Variants in DSCAM observed in about 807,000 individuals in gnomAD.
The protein encoded by DSCAM is DS cell adhesion molecule.
A neutral mutation model predicts 217.7 loss-of-function variants in DSCAM; 47 were observed. That is an observed-to-expected ratio of 0.22 (90% CI 0.17 to 0.28). DSCAM has a LOEUF of 0.28. DSCAM is among the 10% of genes least tolerant of loss of function. The pLI, the probability that DSCAM is intolerant of heterozygous loss-of-function variation, is 1.00. For synonymous variants in DSCAM, 1,056 were observed against 1,015.3 expected (o/e 1.04, Z -0.76); for missense variants, 2,080 against 2,618.3 (o/e 0.79, Z 4.49).
chr21:40,379,030 T>C (rs1020443806), intron 3 of DSCAM, among the ~76,000 whole-genome samples: 7 of 152,210 alleles, frequency 4.6e-5, no homozygotes, highest in African/African-American at 1.7e-4. Context: ...AAATCTCCAC[T>C]ACATAGTCTA....
chr21:40,259,088 T>C (rs1271913738), intron 11 of DSCAM, among the ~76,000 whole-genome samples: 1 of 152,190 alleles, frequency 6.6e-6, no homozygotes, highest in Non-Finnish European at 1.5e-5. Flanking sequence ...TGTGATATAT[T>C]GTCAACTTAA....
chr21:40,614,477 T>TG (rs2089361154), intron 3 of DSCAM, among the ~76,000 whole-genome samples: 1 of 152,158 alleles, frequency 6.6e-6, no homozygotes, highest in South Asian at 2.1e-4. Flanking sequence ...GGCAAGTTCA[T>TG]GGGAAAAAAG....
chr21:40,581,955 T>G (rs1601763652), intron 3 of DSCAM, among the ~76,000 whole-genome samples: 1 of 152,244 alleles, frequency 6.6e-6, no homozygotes, highest in Non-Finnish European at 1.5e-5. Context: ...ATGTAATTTA[T>G]TTGATCTGCT....
rs571442808 is a variant in DSCAM at position 40,463,411 on chromosome 21, C to T, written c.509-94166G>A. Among the ~76,000 whole-genome samples, 16 of 152,296 alleles carry T rather than the reference C, an allele frequency of 1.1e-4. 1 individual carries two copies. The South Asian group carries it at 3.1e-3, about 30-fold the overall frequency. Reference sequence around the variant, plus strand: ...CCTCACTGCTCATACCGAGACCACCCGGTATTGCACTGAATGTCTGCTCAT... The same window carrying T: ...CCTCACTGCTCATACCGAGACCACCTGGTATTGCACTGAATGTCTGCTCAT... On this transcript the variant is annotated intron_variant, in intron 3 of 32. Coordinates refer to ENST00000400454, the MANE Select transcript of DSCAM (RefSeq NM_001389.5).
intron 32 of DSCAM, among the ~76,000 whole-genome samples, chr21:40,037,385 G>T (rs2088646669): frequency 6.8e-6 from 1 of 147,888 alleles, no homozygotes; most frequent in African/African-American, 2.6e-5. Context: ...GACAAACAGA[G>T]AGCCAAATCA....
intron 3 of DSCAM, among the ~76,000 whole-genome samples, chr21:40,678,034 A>G (rs1342631127): frequency 2.0e-5 from 3 of 152,152 alleles, no homozygotes; most frequent in African/African-American, 7.2e-5. Context: ...TATACAACAT[A>G]TTATTTGCAT....
chr21:40,121,681 CTTTTTTTT>C (rs201672838), intron 20 of DSCAM, among the ~76,000 whole-genome samples: 2,268 of 73,820 alleles, frequency 0.031, 96 homozygotes, highest in African/African-American at 0.12. Flanking sequence ...TCATTACTGT[CTTTTTTTT>C]TTTTTTTTTT....
Position 40,638,919 on chromosome 21 carries a change from T to C in DSCAM, c.508+53891A>G, listed in dbSNP as rs116110612. 3.4e-3 allele frequency among the ~76,000 whole-genome samples: 513 copies of C among 152,210 alleles called. 2 individuals are homozygous for C. Among genetic ancestry groups the C allele is most frequent in the African/African-American group, 0.012 (491 of 41,550 alleles). ...AATAGAAGGAGGCCCTTCTCCCTGT[T>C]TTATATTGATAGAATTCTCATTTTA... On this transcript the variant is annotated intron_variant, in intron 3 of 32. Coordinates refer to ENST00000400454, the MANE Select transcript of DSCAM (RefSeq NM_001389.5).
At chr21:40,373,382 G>A (rs946201132) in intron 3 of DSCAM, among the ~76,000 whole-genome samples, 15 of 152,028 alleles carry the variant, frequency 9.9e-5, no homozygotes, top group Non-Finnish European at 2.2e-4. Flanking sequence ...AATGCAAAAA[G>A]GAGAGAGACA....
intron 3 of DSCAM, among the ~76,000 whole-genome samples, chr21:40,466,728 C>T (rs1464497197): frequency 2.6e-5 from 4 of 150,962 alleles, no homozygotes; most frequent in Non-Finnish European, 5.9e-5. Flanking sequence ...AATTTAAATG[C>T]CTTCACTTCA....
rs1410410335 is a variant in DSCAM, at chr21:40,176,063, T to C, written c.2947+2864A>G. Among the ~76,000 whole-genome samples the C allele has an allele frequency of 2.6e-5, 4 of 151,892 alleles. No homozygotes were observed. In the East Asian group the frequency reaches 7.8e-4, roughly 30 times the overall value. On this transcript the variant is annotated intron_variant, in intron 15 of 32. Coordinates refer to ENST00000400454, the MANE Select transcript of DSCAM (RefSeq NM_001389.5). ...TGATGATACACCTCAAAGGCTACTGTCAGCAAAATCCCTCCTCTGTCCTGA... is the reference window on the plus strand; with the variant it reads ...TGATGATACACCTCAAAGGCTACTGCCAGCAAAATCCCTCCTCTGTCCTGA...
In DSCAM at chr21:40,326,744, G is replaced by A. The variant is rs2074321435; in HGVS notation, c.1783+11357C>T. Among the ~76,000 whole-genome samples the A allele has an allele frequency of 2.0e-5, 3 of 152,052 alleles. No homozygotes were observed. The South Asian group carries it at 6.2e-4, about 32-fold the overall frequency. On this transcript the variant is annotated intron_variant, in intron 8 of 32. Coordinates refer to ENST00000400454, the MANE Select transcript of DSCAM (RefSeq NM_001389.5). ...AACCACTGCACAGATCGTGCAGGAA[G>A]AGTCTAGAAAAATGTGGGGTACAGT...
chr21:40,481,241 G>C (rs1671425129), intron 3 of DSCAM, among the ~76,000 whole-genome samples: 1 of 152,108 alleles, frequency 6.6e-6, no homozygotes, highest in African/African-American at 2.4e-5. Flanking sequence ...TGTAATCCCA[G>C]CACTTTGGGA....
intron 1 of DSCAM, among the ~76,000 whole-genome samples, chr21:40,758,985 C>G (rs535165538): frequency 6.6e-6 from 1 of 152,060 alleles, no homozygotes; most frequent in South Asian, 2.1e-4. Context: ...AAATAAAGAA[C>G]GCAAGTATGC....
rs1193971639 is a variant in DSCAM, at chr21:40,632,402, T to C, written c.508+60408A>G. 2.0e-5 allele frequency among the ~76,000 whole-genome samples: 3 copies of C among 152,074 alleles called. 1 individual carries two copies. Among genetic ancestry groups the C allele is most frequent in the Non-Finnish European group, 4.4e-5 (3 of 68,012 alleles). Reference sequence around the variant, plus strand: ...CAGTTGTTTTATATATACATATGCATACACAAATGTATTAAAAGACACACT... The same window carrying C: ...CAGTTGTTTTATATATACATATGCACACACAAATGTATTAAAAGACACACT... On this transcript the variant is annotated intron_variant, in intron 3 of 32. Transcript: ENST00000400454.
chr21:40,797,056 T>G (rs1027376634), intron 1 of DSCAM, among the ~76,000 whole-genome samples: 15 of 152,204 alleles, frequency 9.9e-5, no homozygotes, highest in Non-Finnish European at 1.9e-4. Flanking sequence ...CACGCTGACC[T>G]CTTGTTCACA....
chr21:40,749,223 G>A (rs2091203974), intron 1 of DSCAM, among the ~76,000 whole-genome samples: 1 of 151,940 alleles, frequency 6.6e-6, no homozygotes, highest in Non-Finnish European at 1.5e-5. Flanking sequence ...TAGACAAATG[G>A]AATTATATCA....
chr21:40,236,029 T>A (rs2073073466), intron 11 of DSCAM, among the ~76,000 whole-genome samples: 1 of 152,152 alleles, frequency 6.6e-6, no homozygotes, highest in Non-Finnish European at 1.5e-5. Context: ...GGAAACACTG[T>A]GGGTTGGAAA....
chr21:40,385,077 A>T (rs2075069538), intron 3 of DSCAM: 1 of 152,030 alleles, frequency 6.6e-6, no homozygotes, highest in Admixed American at 6.6e-5. Flanking sequence ...CCCAGTTTCG[A>T]CTTTTTATTT....
Sources: allele counts gnomAD v4.1 joint callset (sites outside exome capture counted in the v4.1 genomes callset), GRCh38; gene constraint gnomAD v4.1.1; transcripts MANE v1.5; gene names NCBI Gene and HGNC (gene_info 2026-07-23, HGNC 2026-07-21).